The following LUC7L2 variants were observed in gnomAD, a reference collection of about 807,000 sequenced individuals.
The protein encoded by LUC7L2 is putative RNA-binding protein Luc7-like 2.
Under a neutral mutation model 52.8 loss-of-function variants are expected in LUC7L2, and 25 were observed. The ratio of observed to expected loss-of-function variants is 0.47; its 90% CI spans 0.34 to 0.66. The LOEUF (loss-of-function observed/expected upper bound fraction) is 0.66. LUC7L2 is among the 30% of genes least tolerant of loss of function. The pLI, the probability that LUC7L2 is intolerant of heterozygous loss-of-function variation, is 0.01. For synonymous variants in LUC7L2, 144 were observed against 160.9 expected, an observed-to-expected ratio of 0.89 and a Z score of 0.80; for missense variants, 328 against 497.8, an observed-to-expected ratio of 0.66 and a Z score of 3.25.
At position 139,417,719 on chromosome 7, in the gene LUC7L2, T is replaced by G. The variant is rs1795686342; in HGVS notation, c.991T>G (p.Ser331Ala). The change falls in exon 9 of 10, where the codon TCC becomes GCC. Residue 331 changes from serine to alanine, a missense_variant. Ser to Ala is a moderately conservative substitution (Grantham distance 99, BLOSUM62 1). Coordinates refer to ENST00000354926, the MANE Select transcript of LUC7L2 (RefSeq NM_016019.5). The stretch of plus-strand genomic sequence containing the variant: ...TTCTAGAGATAGGAGCAGAGAACGA[T>G]CCAAGAGGAGGTATTGATGTGTCAA... ...HSSRDRSRER[S>A]KRRSSKERFR... is the part of the protein sequence containing the mutation. 20 of 1,613,828 alleles carry G rather than the reference T, an allele frequency of 1.2e-5. No individual in the cohort carries two copies. Among genetic ancestry groups the G allele is most frequent in the Admixed American group, 1.7e-5 (1 of 59,998 alleles).
intron 3 of LUC7L2, among the ~76,000 whole-genome samples, chr7:139,399,730 A>G (rs1429984799): frequency 6.6e-6 from 1 of 151,804 alleles, no homozygotes; most frequent in East Asian, 1.9e-4. Flanking sequence ...CAGCCTCCCA[A>G]AGTGTTGGGA....
At chr7:139,407,593 G>A (rs892580015) in intron 6 of LUC7L2, among the ~76,000 whole-genome samples, 3 of 151,940 alleles carry the variant, frequency 2.0e-5, no homozygotes, top group African/African-American at 7.3e-5. Context: ...CCGAGTTAGG[G>A]ATCTTTCAAA....
chr7:139,422,131 C>A, intron 9 of LUC7L2, 32 bp from the exon 10 acceptor site: 2 of 1,570,846 alleles, frequency 1.3e-6, no homozygotes, highest in South Asian at 2.4e-5. Context: ...GGTTTCCCAA[C>A]ATATTTTGCT....
At chr7:139,421,168 C>G (rs976756134) in intron 9 of LUC7L2, among the ~76,000 whole-genome samples, 1 of 152,084 alleles carries the variant, frequency 6.6e-6, no homozygotes, top group African/African-American at 2.4e-5. Flanking sequence ...ATTTTAGAAC[C>G]ATTTTTTGTT....
At chr7:139,353,300 A>C (rs901588715) in intron 1 of LUC7L2, among the ~76,000 whole-genome samples, 20 of 152,356 alleles carry the variant, frequency 1.3e-4, no homozygotes, top group Non-Finnish European at 2.1e-4. Context: ...TACCATATTT[A>C]GTTCATAAAT....
At position 139,408,116 on chromosome 7, in the gene LUC7L2, A is replaced by G. The variant is rs562542149; in HGVS notation, c.687+766A>G. ...TAACTGTTATTGTCAACTGGAATTA[A>G]CTCAAGGTCCATAGCATTTAAAATA... On this transcript the variant is annotated intron_variant, in intron 6 of 9. Transcript: ENST00000354926. Among the ~76,000 whole-genome samples, 3 of 152,310 alleles carry G rather than the reference A, an allele frequency of 2.0e-5. No individual in the cohort carries two copies. The East Asian group carries it at 5.8e-4, about 29-fold the overall frequency.
intron 1 of LUC7L2, chr7:139,341,312 C>A (rs1798942971): frequency 6.5e-7 from 1 of 1,540,626 alleles, no homozygotes. Flanking sequence ...TACCATTAGG[C>A]GCCTGGGCCG....
chr7:139,383,480 C>A (rs962300463), intron 2 of LUC7L2, among the ~76,000 whole-genome samples: 1 of 151,348 alleles, frequency 6.6e-6, no homozygotes, highest in Non-Finnish European at 1.5e-5. Context: ...GGCGCGATCT[C>A]GGCTCACTTC....
chr7:139,404,381 C>A (rs538908733), intron 4 of LUC7L2, among the ~76,000 whole-genome samples: 1 of 152,070 alleles, frequency 6.6e-6, no homozygotes, highest in East Asian at 1.9e-4. Context: ...TGGTGGTGCA[C>A]GCCTGTAATC....
chr7:139,396,739 A>G (rs1794677205), intron 2 of LUC7L2, among the ~76,000 whole-genome samples: 3 of 152,134 alleles, frequency 2.0e-5, no homozygotes, highest in African/African-American at 7.2e-5. Context: ...GAGAGTTCCT[A>G]CTTTGTTTAT....
chr7:139,369,267 T>C lies in LUC7L2; in HGVS notation c.62-6795T>C, dbSNP rs368666196. Among the ~76,000 whole-genome samples, 82 of 152,364 alleles carry C rather than the reference T, an allele frequency of 5.4e-4. 2 individuals carry two copies. In the South Asian group the frequency reaches 0.015, roughly 27 times the overall value. ...AGCTCTGCAAGTAAGTATCAAAATATAAAATTTAGCAGGCTGTAACTTTTT... is the reference window on the plus strand; with the variant it reads ...AGCTCTGCAAGTAAGTATCAAAATACAAAATTTAGCAGGCTGTAACTTTTT... On this transcript the variant is annotated intron_variant, in intron 1 of 9. Coordinates refer to ENST00000354926, the MANE Select transcript of LUC7L2 (RefSeq NM_016019.5).
intron 1 of LUC7L2, among the ~76,000 whole-genome samples, chr7:139,372,361 A>G (rs917457880): frequency 5.9e-5 from 9 of 152,168 alleles, no homozygotes; most frequent in African/African-American, 1.2e-4. Context: ...ACATGAAGCC[A>G]TTTGCCAAAG....
intron 1 of LUC7L2, among the ~76,000 whole-genome samples, chr7:139,364,806 A>T (rs967626492): frequency 2.6e-5 from 4 of 152,212 alleles, no homozygotes; most frequent in African/African-American, 7.2e-5. Context: ...TCTTTACTGT[A>T]ATCTGTGTTC....
chr7:139,361,048 T>C (rs1292945661), intron 1 of LUC7L2, among the ~76,000 whole-genome samples: 1 of 152,158 alleles, frequency 6.6e-6, no homozygotes, highest in African/African-American at 2.4e-5. Context: ...CCCAGTGAAG[T>C]AGAATAGAGG....
chr7:139,379,700 G>C (rs879899302), intron 2 of LUC7L2, among the ~76,000 whole-genome samples: 3 of 150,324 alleles, frequency 2.0e-5, no homozygotes, highest in Non-Finnish European at 4.4e-5. Flanking sequence ...CGAGTAGCTG[G>C]GATTACAGGC....
At chr7:139,364,200 G>C (rs976330072) in intron 1 of LUC7L2, among the ~76,000 whole-genome samples, 1 of 151,868 alleles carries the variant, frequency 6.6e-6, no homozygotes, top group Non-Finnish European at 1.5e-5. Flanking sequence ...GGCCAGGATG[G>C]TCTCGAACTC....
At chr7:139,420,183 G>A (rs1795825750) in intron 9 of LUC7L2, among the ~76,000 whole-genome samples, 1 of 152,092 alleles carries the variant, frequency 6.6e-6, no homozygotes, top group Non-Finnish European at 1.5e-5. Context: ...GATTACTTGG[G>A]TTCATTGGTT....
At chr7:139,369,953 T>C (rs973304799) in intron 1 of LUC7L2, among the ~76,000 whole-genome samples, 2 of 152,230 alleles carry the variant, frequency 1.3e-5, no homozygotes. Flanking sequence ...CTTTGTTTTA[T>C]TAGGAACGAC....
chr7:139,356,314 CAAAAAAAAAAA>C (rs10524961), upstream of LUC7L2, among the ~76,000 whole-genome samples: 10 of 82,896 alleles, frequency 1.2e-4, no homozygotes, highest in Non-Finnish European at 3.3e-4. Context: ...GACCCTATCT[CAAAAAAAAAAA>C]AAAAAAAAAA....
Sources: allele counts gnomAD v4.1 joint callset (sites outside exome capture counted in the v4.1 genomes callset), GRCh38; gene constraint gnomAD v4.1.1; transcripts MANE v1.5; gene names NCBI Gene and HGNC (gene_info 2026-07-23, HGNC 2026-07-21).